Variants in RBFOX1 observed in about 807,000 individuals in gnomAD.
RBFOX1 encodes RNA binding protein fox-1 homolog 1.
RBFOX1 carries 8 observed loss-of-function variants against 57.7 expected under a neutral mutation model. The ratio of observed to expected loss-of-function variants is 0.14; its 90% CI spans 0.08 to 0.25. The LOEUF (loss-of-function observed/expected upper bound fraction) is 0.25. Among genes scored for constraint, RBFOX1 ranks in the 10% least tolerant of loss-of-function variants. The pLI, the probability that RBFOX1 is intolerant of heterozygous loss-of-function variation, is 1.00. For missense variants in RBFOX1, 611 were observed against 548.5 expected (o/e 1.11, Z -1.14); for synonymous variants, 326 against 222.4 (o/e 1.47, Z -4.15).
intron 11 of RBFOX1, among the ~76,000 whole-genome samples, chr16:7,646,788 G>C (rs571457297): frequency 6.6e-6 from 1 of 152,246 alleles, no homozygotes; most frequent in East Asian, 1.9e-4. Context: ...ATTTTCCACT[G>C]GTTTTGTGTT....
intron 3 of RBFOX1, among the ~76,000 whole-genome samples, chr16:6,670,735 C>A (rs1396344063): frequency 6.6e-6 from 1 of 152,060 alleles, no homozygotes; most frequent in Non-Finnish European, 1.5e-5. Flanking sequence ...CGGTGGTTCA[C>A]GCCTGTAATC....
At chr16:5,721,822 G>C (rs908753566) in intron 3 of RBFOX1, among the ~76,000 whole-genome samples, 3 of 152,142 alleles carry the variant, frequency 2.0e-5, no homozygotes, top group Admixed American at 6.6e-5. Flanking sequence ...TTCGCAAAGG[G>C]CTTGTAACTA....
chr16:7,319,270 G>T (rs2096499660), intron 4 of RBFOX1, among the ~76,000 whole-genome samples: 1 of 152,164 alleles, frequency 6.6e-6, no homozygotes, highest in South Asian at 2.1e-4. Context: ...ATTCAATATT[G>T]TTGGGGGAGA....
Position 6,750,895 on chromosome 16 carries a change from T to G in RBFOX1, c.-16+96245T>G, listed in dbSNP as rs183487405. 2.0e-5 allele frequency among the ~76,000 whole-genome samples: 3 copies of G among 152,312 alleles called. No homozygotes were observed. In the East Asian group the frequency reaches 5.8e-4, roughly 29 times the overall value. ...TGAGTGATGGTAGAAGATACAGTAG[T>G]GTTTTCTTCAGATTAGTGGGCTAGG... On this transcript the variant is annotated intron_variant, in intron 3 of 15. Coordinates refer to ENST00000550418, the MANE Select transcript of RBFOX1 (RefSeq NM_018723.4).
intron 3 of RBFOX1, among the ~76,000 whole-genome samples, chr16:6,691,578 A>G (rs7204582): frequency 0.16 from 23,992 of 152,166 alleles, 2,072 homozygotes; most frequent in Middle Eastern, 0.22. Context: ...ATTTGATATC[A>G]TCTTTACATC....
intron 4 of RBFOX1, among the ~76,000 whole-genome samples, chr16:5,932,497 C>G (rs1350585951): frequency 2.6e-5 from 4 of 152,192 alleles, no homozygotes; most frequent in Non-Finnish European, 2.9e-5. Context: ...GAGACCCCAG[C>G]CATGCCATGC....
At chr16:7,500,992 C>A (rs142959720) in intron 4 of RBFOX1, among the ~76,000 whole-genome samples, 6 of 152,282 alleles carry the variant, frequency 3.9e-5, no homozygotes, top group African/African-American at 1.4e-4. Flanking sequence ...TTCCTGCTGC[C>A]ATGTGAAGAA....
chr16:5,361,766 C>T (rs887982058), intron 1 of RBFOX1, among the ~76,000 whole-genome samples: 1 of 152,166 alleles, frequency 6.6e-6, no homozygotes, highest in Non-Finnish European at 1.5e-5. Flanking sequence ...CTCAGGCCAC[C>T]CAGCTGTCTC....
At chr16:5,861,819 C>T (rs886068256) in intron 3 of RBFOX1, among the ~76,000 whole-genome samples, 6 of 152,218 alleles carry the variant, frequency 3.9e-5, no homozygotes, top group South Asian at 4.1e-4. Context: ...TCTTCTTAGA[C>T]GCAATGGCAG....
At chr16:6,980,892 A>C (rs936918396) in intron 3 of RBFOX1, among the ~76,000 whole-genome samples, 1 of 151,862 alleles carries the variant, frequency 6.6e-6, no homozygotes, top group Non-Finnish European at 1.5e-5. Flanking sequence ...AAAATACAAA[A>C]ATTAGCTGGG....
chr16:7,699,184 C>G (rs1366342427), intron 14 of RBFOX1, among the ~76,000 whole-genome samples: 4 of 152,154 alleles, frequency 2.6e-5, no homozygotes, highest in Non-Finnish European at 5.9e-5. Flanking sequence ...ACTAACTGAT[C>G]AATCAGGGAC....
chr16:6,633,852 TAAAAA>T (rs1477159406), intron 2 of RBFOX1, among the ~76,000 whole-genome samples: 1 of 151,818 alleles, frequency 6.6e-6, no homozygotes, highest in Non-Finnish European at 1.5e-5. Flanking sequence ...TATAAAAAAA[TAAAAA>T]TAAATTAGCC....
chr16:7,051,208 G>C (rs1360107569), intron 3 of RBFOX1, among the ~76,000 whole-genome samples: 1 of 152,140 alleles, frequency 6.6e-6, no homozygotes, highest in South Asian at 2.1e-4. Flanking sequence ...GTTGACAGTG[G>C]AGTCTACCAG....
intron 1 of RBFOX1, among the ~76,000 whole-genome samples, chr16:5,355,511 T>C (rs1005518062): frequency 6.6e-6 from 1 of 152,144 alleles, no homozygotes; most frequent in African/African-American, 2.4e-5. Flanking sequence ...CAGCTGAAGC[T>C]GGGTTTAAAA....
chr16:5,900,614 G>A (rs1233287231), intron 4 of RBFOX1, among the ~76,000 whole-genome samples: 1 of 152,080 alleles, frequency 6.6e-6, no homozygotes, highest in East Asian at 1.9e-4. Context: ...TTCTTCCCAG[G>A]CCATCCCTCT....
intron 2 of RBFOX1, among the ~76,000 whole-genome samples, chr16:6,595,838 G>A (rs978793511): frequency 6.6e-6 from 1 of 151,868 alleles, no homozygotes; most frequent in Admixed American, 6.6e-5. Flanking sequence ...TGTGCTTGTT[G>A]GGCATTTGTT....
chr16:6,176,048 G>C (rs539886840), intron 1 of RBFOX1, among the ~76,000 whole-genome samples: 3 of 152,094 alleles, frequency 2.0e-5, no homozygotes, highest in Non-Finnish European at 2.9e-5. Flanking sequence ...GGACCACCAG[G>C]CTGCAAAACT....
At chr16:5,860,211 T>C (rs991222252) in intron 3 of RBFOX1, among the ~76,000 whole-genome samples, 24 of 152,018 alleles carry the variant, frequency 1.6e-4, no homozygotes, top group African/African-American at 5.8e-4. Flanking sequence ...GCCTCCTGAG[T>C]AGCTGGGATT....
intron 1 of RBFOX1, among the ~76,000 whole-genome samples, chr16:5,305,221 C>A (rs189566071): frequency 6.6e-6 from 1 of 152,150 alleles, no homozygotes; most frequent in Non-Finnish European, 1.5e-5. Flanking sequence ...CCGGTTTCAC[C>A]TGCTACACTT....
Sources: gnomAD v4.1 joint callset for allele counts (sites outside exome capture counted in the v4.1 genomes callset) on GRCh38, gnomAD v4.1.1 for gene constraint, MANE v1.5 for transcripts, NCBI Gene and HGNC (gene_info 2026-07-23, HGNC 2026-07-21) for gene names.